Variants in SHB observed in about 807,000 individuals in gnomAD.
SHB encodes SH2 domain containing adaptor protein B, also known as SH2 domain-containing adapter protein B.
In SHB, 20 loss-of-function variants were observed where a neutral mutation model predicts 52.3. The observed-to-expected ratio is 0.38, with a 90% CI of 0.27 to 0.56. SHB has a LOEUF of 0.56. Among genes scored for constraint, SHB ranks in the 20% least tolerant of loss-of-function variants. The pLI is 0.71. For missense variants in SHB, 825 were observed against 723.3 expected (o/e 1.14, Z -1.61); for synonymous variants, 397 against 316.5 (o/e 1.25, Z -2.70).
chr9:37,948,121 G>A (rs1276374192), intron 5 of SHB, among the ~76,000 whole-genome samples: 1 of 152,108 alleles, frequency 6.6e-6, no homozygotes, highest in African/African-American at 2.4e-5. Flanking sequence ...CCTAGACTTT[G>A]TGCAACACCC....
intron 2 of SHB, among the ~76,000 whole-genome samples, chr9:37,989,778 T>C (rs1820859122): frequency 6.6e-6 from 1 of 152,226 alleles, no homozygotes; most frequent in African/African-American, 2.4e-5. Context: ...AGTGTTGTTG[T>C]TGTTGCTGTT....
intron 1 of SHB, among the ~76,000 whole-genome samples, chr9:38,045,179 G>C (rs1162319833): frequency 6.6e-6 from 1 of 152,214 alleles, no homozygotes; most frequent in Admixed American, 6.5e-5. Context: ...GAAGCCATGG[G>C]TAGTGTCTAA....
At chr9:37,945,540 G>A (rs960475369) in intron 5 of SHB, among the ~76,000 whole-genome samples, 1 of 152,220 alleles carries the variant, frequency 6.6e-6, no homozygotes, top group African/African-American at 2.4e-5. Flanking sequence ...AAGCTGGGCA[G>A]GTGAGAACAA....
At chr9:38,062,272 A>C (rs747644515) in intron 1 of SHB, among the ~76,000 whole-genome samples, 26 of 152,190 alleles carry the variant, frequency 1.7e-4, no homozygotes, top group Non-Finnish European at 2.8e-4. Flanking sequence ...ACATTAGGCA[A>C]GTCATCAACC....
chr9:37,991,774 C>T (rs1337666872), intron 2 of SHB, among the ~76,000 whole-genome samples: 1 of 152,194 alleles, frequency 6.6e-6, no homozygotes, highest in South Asian at 2.1e-4. Context: ...AAGCTCTGAA[C>T]CAAAAACCAA....
chr9:38,045,744 A>G (rs1381123574), intron 1 of SHB, among the ~76,000 whole-genome samples: 2 of 152,232 alleles, frequency 1.3e-5, no homozygotes, highest in Admixed American at 6.5e-5. Context: ...TGCATTTTAA[A>G]AAGACGTATG....
chr9:37,921,071 G>C (rs1317760186), intron 5 of SHB, among the ~76,000 whole-genome samples: 1 of 152,122 alleles, frequency 6.6e-6, no homozygotes, highest in African/African-American at 2.4e-5. Context: ...CCACCAGCCT[G>C]TCCTCTGCCT....
At chr9:38,021,393 C>T (rs1054572773) in intron 1 of SHB, among the ~76,000 whole-genome samples, 3 of 152,134 alleles carry the variant, frequency 2.0e-5, no homozygotes, top group Admixed American at 1.3e-4. Context: ...CGGTGGCTCA[C>T]ACCTGTAGTC....
chr9:38,034,004 A>G (rs920736884), intron 1 of SHB, among the ~76,000 whole-genome samples: 3 of 152,214 alleles, frequency 2.0e-5, no homozygotes, highest in African/African-American at 7.2e-5. Flanking sequence ...AGCTCGGGTA[A>G]TAACGGGGCT....
At chr9:37,996,804 T>G (rs1156943527) in intron 2 of SHB, among the ~76,000 whole-genome samples, 5 of 152,266 alleles carry the variant, frequency 3.3e-5, no homozygotes, top group Non-Finnish European at 7.3e-5. Context: ...AATGTAGCAC[T>G]AATTATCTGT....
intron 1 of SHB, among the ~76,000 whole-genome samples, chr9:38,045,480 G>A (rs548033150): frequency 4.0e-5 from 6 of 151,534 alleles, no homozygotes; most frequent in Admixed American, 6.6e-5. Flanking sequence ...GATAGGTGGC[G>A]CGCACCTGTA....
At chr9:37,958,491 A>G (rs1014577132) in intron 3 of SHB, among the ~76,000 whole-genome samples, 1 of 152,162 alleles carries the variant, frequency 6.6e-6, no homozygotes, top group African/African-American at 2.4e-5. Context: ...ACCTAGAGAC[A>G]CCCACAGCTC....
At chr9:37,938,253 T>TG (rs1832396651) in intron 5 of SHB, among the ~76,000 whole-genome samples, 1 of 152,144 alleles carries the variant, frequency 6.6e-6, no homozygotes, top group Non-Finnish European at 1.5e-5. Flanking sequence ...GGTGACCTCC[T>TG]GGCTGGTAGG....
intron 1 of SHB, among the ~76,000 whole-genome samples, chr9:38,040,416 A>G (rs1821560611): frequency 6.6e-6 from 1 of 152,142 alleles, no homozygotes; most frequent in African/African-American, 2.4e-5. Flanking sequence ...TTGGGAAGGG[A>G]GGCCTCCCCA....
intron 1 of SHB, among the ~76,000 whole-genome samples, chr9:38,038,717 T>G (rs1215986793): frequency 2.6e-5 from 4 of 152,018 alleles, no homozygotes; most frequent in African/African-American, 9.7e-5. Flanking sequence ...TGCTCCCTAC[T>G]CGGGTCATGA....
intron 2 of SHB, among the ~76,000 whole-genome samples, chr9:37,976,893 G>A (rs1160266665): frequency 6.6e-6 from 1 of 152,218 alleles, no homozygotes; most frequent in East Asian, 1.9e-4. Flanking sequence ...TTCCGAGAAA[G>A]AGAGCTGCTT....
intron 1 of SHB, among the ~76,000 whole-genome samples, chr9:38,062,855 C>T (rs1001700538): frequency 6.6e-6 from 1 of 152,148 alleles, no homozygotes; most frequent in Non-Finnish European, 1.5e-5. Flanking sequence ...CATTAATTTC[C>T]ATATTGTCTA....
chr9:38,021,602 A>AGG (rs1821282913), intron 1 of SHB, among the ~76,000 whole-genome samples: 1 of 151,702 alleles, frequency 6.6e-6, no homozygotes, highest in African/African-American at 2.4e-5. Flanking sequence ...CAGGAGGCGG[A>AGG]GGTTGCAGTT....
chr9:37,955,808 G>C, intron 4 of SHB, 75 bp downstream of exon 4: 1 of 1,429,054 alleles, frequency 7.0e-7, no homozygotes, highest in Non-Finnish European at 9.7e-7. Flanking sequence ...ATTTTTAAAA[G>C]AAGATGACAT....
Sources: gnomAD v4.1 joint callset for allele counts (sites outside exome capture counted in the v4.1 genomes callset) on GRCh38, gnomAD v4.1.1 for gene constraint, MANE v1.5 for transcripts, NCBI Gene and HGNC (gene_info 2026-07-23, HGNC 2026-07-21) for gene names.